Variants in MGAM observed in about 807,000 individuals in gnomAD.
MGAM encodes alpha-1,4-glucosidase.
MGAM carries 253 observed loss-of-function variants against 358.8 expected under a neutral mutation model. The observed-to-expected ratio is 0.71, with a 90% confidence interval of 0.64 to 0.78. The LOEUF (loss-of-function observed/expected upper bound fraction) is 0.78, where lower values mean the gene tolerates loss of function less well. Among genes scored for constraint, MGAM ranks in the 30% least tolerant of loss-of-function variants. The pLI, the probability that MGAM is intolerant of heterozygous loss-of-function variation, is 0.00. For synonymous variants in MGAM, 1,105 were observed against 1,227.1 expected, an observed-to-expected ratio of 0.90 and a Z score of 2.08; for missense variants, 3,080 against 3,432.6, an observed-to-expected ratio of 0.90 and a Z score of 2.57.
At chr7:142,069,475 A>G (rs922724045) in intron 43 of MGAM, among the ~76,000 whole-genome samples, 7 of 145,558 alleles carry the variant, frequency 4.8e-5, no homozygotes, top group African/African-American at 1.7e-4. Flanking sequence ...TCTTCTTCTG[A>G]CTTTCTGAGG....
intron 1 of MGAM, among the ~76,000 whole-genome samples, chr7:141,999,581 G>T: frequency 6.6e-6 from 1 of 152,100 alleles, no homozygotes; most frequent in East Asian, 1.9e-4. Context: ...TTATAAAAAT[G>T]GCATGTGACA....
intron 13 of MGAM, among the ~76,000 whole-genome samples, chr7:142,032,099 A>T (rs1256193424): frequency 7.0e-6 from 1 of 142,276 alleles, no homozygotes; most frequent in Non-Finnish European, 1.5e-5. Context: ...TACTCCTTAC[A>T]TTGTTGCAAA....
At chr7:142,103,907 A>T (rs1816639146) in intron 70 of MGAM, among the ~76,000 whole-genome samples, 1 of 149,956 alleles carries the variant, frequency 6.7e-6, no homozygotes, top group South Asian at 2.1e-4. Context: ...CCCAGGCTGG[A>T]GTGCAGTGGC....
In MGAM at chr7:142,080,663, G is replaced by A. The variant is rs1254334985; in HGVS notation, c.5848-128G>A. ...TATTTGATGTGTTAATTAAATCTCA[G>A]ACATCATAAACTTAAAGAAGACAGA... On this transcript the variant is annotated intron_variant, in intron 49 of 70. Transcript: ENST00000475668. 21 of 861,264 alleles carry A rather than the reference G, an allele frequency of 2.4e-5. 4 individuals are homozygous for A. The highest frequency in any genetic ancestry group is 6.9e-6 in the Non-Finnish European group (4 of 578,532). The allele number at this position is 861,264 out of a possible 1,614,324, so 53.4% of individuals were successfully genotyped here.
At position 142,082,120 on chromosome 7, in the gene MGAM, C is replaced by G. The variant is rs763582689; in HGVS notation, c.6081C>G (p.Leu2027=). 1.8e-5 allele frequency: 28 copies of G among 1,555,840 alleles called. 1 individual carries two copies. The African/African-American group carries it at 3.2e-4, about 18-fold the overall frequency. The change falls in exon 51 of 71, where the codon CTC becomes CTG. Residue 2027 remains leucine (L), a synonymous_variant. Transcript: ENST00000475668. ...RISTRLPSKY[L]YGFGETEHTS... ...CCACCCGCCTTCCCTCCAAGTACCT[C>G]TATGGCTTTGGGGAGACTGAGCACA...
intron 44 of MGAM, among the ~76,000 whole-genome samples, chr7:142,072,217 TAAC>T (rs1447944886): frequency 5.5e-5 from 8 of 145,904 alleles, no homozygotes; most frequent in African/African-American, 1.9e-4. Context: ...CACGTTACCT[TAAC>T]AACTCTTATC....
chr7:142,095,916 A>G, intron 64 of MGAM: 1 of 818,126 alleles, frequency 1.2e-6, no homozygotes, highest in Non-Finnish European at 1.9e-6. Flanking sequence ...AATGAGCAAA[A>G]CTGAAATGAT....
At chr7:142,044,059 A>G (rs150725674) in intron 21 of MGAM, among the ~76,000 whole-genome samples, 8,307 of 60,128 alleles carry the variant, frequency 0.14, 1,876 homozygotes, top group Non-Finnish European at 0.24. Context: ...CATTATATAC[A>G]CATACGACGT....
At chr7:142,052,161 A>C (rs1338413695) in intron 24 of MGAM, 133 bp from the exon 25 acceptor site, 2 of 757,708 alleles carry the variant, frequency 2.6e-6, no homozygotes, top group Non-Finnish European at 2.1e-6. Flanking sequence ...CTTATAAGCT[A>C]AAGTCATATG....
At position 142,076,906 on chromosome 7, in the gene MGAM, G is replaced by A. The variant is rs1813796120; in HGVS notation, c.5493+80G>A. On this transcript the variant is annotated intron_variant, in intron 47 of 70. Coordinates refer to ENST00000475668, the MANE Select transcript of MGAM (RefSeq NM_001365693.1). ...TGTTTCTTCTTGCCAAGTTTGCATGGGTCCCTGAAGTACCAGGGCACCTTT... is the reference window on the plus strand; with the variant it reads ...TGTTTCTTCTTGCCAAGTTTGCATGAGTCCCTGAAGTACCAGGGCACCTTT... 1.4e-6 allele frequency: 2 copies of A among 1,425,122 alleles called. 1 individual carries two copies. Among genetic ancestry groups the A allele is most frequent in the Non-Finnish European group, 2.0e-6 (2 of 1,022,324 alleles). 88.3% of individuals were successfully genotyped at this position (1,425,122 alleles called of 1,614,324 possible).
At chr7:142,100,636 CCAGA>C (rs1461115927) in intron 67 of MGAM, among the ~76,000 whole-genome samples, 162 bp from the exon 68 acceptor site, 1 of 152,140 alleles carries the variant, frequency 6.6e-6, no homozygotes, top group African/African-American at 2.4e-5. Context: ...AGTCATAGAG[CCAGA>C]CAGAGACAGA....
At chr7:142,082,373 TG>T in intron 51 of MGAM, 101 bp from the exon 52 acceptor site, 1 of 1,279,108 alleles carries the variant, frequency 7.8e-7, no homozygotes. Context: ...ATTGATTTCA[TG>T]GAGAAAACTA....
chr7:142,069,373 G>T (rs992548789), intron 43 of MGAM, among the ~76,000 whole-genome samples: 1 of 146,030 alleles, frequency 6.8e-6, no homozygotes, highest in Middle Eastern at 3.5e-3. Context: ...GGCAGCTCTG[G>T]GGTGGTGGGC....
At chr7:142,015,395 T>C (rs1056004982) in intron 3 of MGAM, among the ~76,000 whole-genome samples, 3 of 152,130 alleles carry the variant, frequency 2.0e-5, no homozygotes, top group African/African-American at 7.2e-5. Flanking sequence ...CTATCAACAA[T>C]TGTGACTTAT....
chr7:142,038,699 A>G, intron 19 of MGAM, 84 bp downstream of exon 19: 2 of 1,061,036 alleles, frequency 1.9e-6, no homozygotes, highest in South Asian at 1.7e-5. Flanking sequence ...CTTATTCCAA[A>G]CTCACTTCTG....
intron 1 of MGAM, among the ~76,000 whole-genome samples, chr7:141,998,465 T>C (rs572764122): frequency 6.6e-6 from 1 of 152,314 alleles, no homozygotes; most frequent in Admixed American, 6.5e-5. Context: ...GTCCATGTGT[T>C]CTCATTGTTC....
chr7:142,046,467 A>ATG (rs1244853146), intron 21 of MGAM, among the ~76,000 whole-genome samples: 9 of 151,970 alleles, frequency 5.9e-5, no homozygotes, highest in Non-Finnish European at 1.3e-4. Flanking sequence ...AACTGGCATT[A>ATG]TGTTAGCTTC....
chr7:142,029,185 C>T lies in MGAM; in HGVS notation c.1222-1177C>T, dbSNP rs561245723. ...CCAACACAGTGAAACCCCGTCTCTA[C>T]TAAAAATACAACAACAACAAAAAAA... On this transcript the variant is annotated intron_variant, in intron 10 of 70. Transcript: ENST00000475668. Among the ~76,000 whole-genome samples, 30 of 152,160 alleles carry T rather than the reference C, an allele frequency of 2.0e-4. 2 individuals carry two copies. The South Asian group carries it at 5.8e-3, about 30-fold the overall frequency.
At chr7:142,076,133 G>A in intron 45 of MGAM, 70 bp from the exon 46 acceptor site, 3 of 1,179,372 alleles carry the variant, frequency 2.5e-6, no homozygotes, top group Non-Finnish European at 3.8e-6. Flanking sequence ...ACTGAAAAGA[G>A]TGGGAGTGTG....
Sources: gnomAD v4.1 joint callset for allele counts (sites outside exome capture counted in the v4.1 genomes callset) on GRCh38, gnomAD v4.1.1 for gene constraint, MANE v1.5 for transcripts, NCBI Gene and HGNC (gene_info 2026-07-23, HGNC 2026-07-21) for gene names.